Variants in LDAH observed in about 807,000 individuals in gnomAD.
The protein encoded by LDAH is lipid droplet associated hydrolase, also known as lipid droplet-associated hydrolase.
Under a neutral mutation model 29.6 loss-of-function variants are expected in LDAH, and 26 were observed. That is an observed-to-expected ratio of 0.88 (90% confidence interval 0.64 to 1.22). LDAH has a LOEUF of 1.22. Ranked by LOEUF, LDAH falls within the 50% of genes most tolerant of loss-of-function variation. The probability of loss-of-function intolerance (pLI) is 0.00; values close to 1 mark genes in which losing one functional copy is unlikely to be tolerated. For missense variants in LDAH, 344 were observed against 387.3 expected (o/e 0.89, Z 0.94); for synonymous variants, 117 against 133.0 (o/e 0.88, Z 0.83).
intron 2 of LDAH, among the ~76,000 whole-genome samples, chr2:20,795,384 T>C (rs1671235761): frequency 1.3e-5 from 2 of 152,206 alleles, no homozygotes; most frequent in South Asian, 4.1e-4. Context: ...ATTGGACTCA[T>C]TCATGGAGCC....
chr2:20,768,276 C>A (rs1669175362), intron 4 of LDAH, among the ~76,000 whole-genome samples: 1 of 152,170 alleles, frequency 6.6e-6, no homozygotes, highest in Non-Finnish European at 1.5e-5. Flanking sequence ...TTCAGGGAGC[C>A]CAGACCTGGG....
chr2:20,731,092 G>C lies in LDAH; in HGVS notation c.703+8879C>G, dbSNP rs141781104. The stretch of plus-strand genomic sequence containing the variant: ...GATAGCTACAAAAAAATCTTGCTCG[G>C]ATTTTGATAGCAACTATGTTTAATA... On this transcript the variant is annotated intron_variant, in intron 5 of 6. Transcript: ENST00000237822. 1.8e-3 allele frequency among the ~76,000 whole-genome samples: 276 copies of C among 152,268 alleles called. 3 individuals are homozygous for C. Among genetic ancestry groups the C allele is most frequent in the East Asian group, 6.7e-3 (35 of 5,190 alleles).
intron 1 of LDAH, among the ~76,000 whole-genome samples, chr2:20,820,301 T>C (rs1022562527): frequency 6.6e-5 from 10 of 152,318 alleles, no homozygotes; most frequent in African/African-American, 1.9e-4. Flanking sequence ...GAGCCTGCAT[T>C]GCCAAGTCAG....
intron 3 of LDAH, among the ~76,000 whole-genome samples, chr2:20,778,326 G>T (rs1168074293): frequency 3.3e-5 from 5 of 152,138 alleles, no homozygotes; most frequent in Admixed American, 1.3e-4. Flanking sequence ...ATTTCAAAAG[G>T]TACACACAAC....
At position 20,686,720 on chromosome 2, in the gene LDAH, A is replaced by G; in HGVS notation, c.*183T>C. 1 of 505,250 alleles carries G rather than the reference A, an allele frequency of 2.0e-6. No individual in the cohort carries two copies. The highest frequency in any genetic ancestry group is 3.5e-6 in the Non-Finnish European group (1 of 284,578). The allele number at this position is 505,250 out of a possible 1,614,324, so 31.3% of individuals were successfully genotyped here. A position where few individuals can be genotyped will look rare whatever the true frequency, so the allele number is the denominator to read the frequency against. ...GAAAATGTATGGTTAAACCTATGGA[A>G]TGATTCATCAACTGTGTTTACTTCA... On this transcript the variant is annotated 3_prime_UTR_variant, in exon 7 of 7. Transcript: ENST00000237822.
At chr2:20,703,527 A>G (rs186738179) in intron 5 of LDAH, among the ~76,000 whole-genome samples, 16 of 152,292 alleles carry the variant, frequency 1.1e-4, no homozygotes, top group Admixed American at 8.5e-4. Context: ...ATATACTTAC[A>G]CCTTTACTTC....
chr2:20,808,689 A>AGTT (rs1327601429), intron 1 of LDAH, among the ~76,000 whole-genome samples: 1 of 152,040 alleles, frequency 6.6e-6, no homozygotes, highest in East Asian at 1.9e-4. Context: ...AGCCAAGACA[A>AGTT]GTTTGAAGAA....
chr2:20,757,538 T>C (rs1668414598), intron 4 of LDAH, among the ~76,000 whole-genome samples: 2 of 152,182 alleles, frequency 1.3e-5, no homozygotes, highest in Admixed American at 6.5e-5. Context: ...TTAAAAAAAA[T>C]ACTTGCCAAG....
chr2:20,752,954 A>G (rs1329357569), intron 4 of LDAH, among the ~76,000 whole-genome samples: 1 of 144,962 alleles, frequency 6.9e-6, no homozygotes, highest in Admixed American at 7.2e-5. Flanking sequence ...TCTAAGCTGT[A>G]TTCTTTGGAG....
chr2:20,803,303 C>T (rs1671850129), intron 1 of LDAH, among the ~76,000 whole-genome samples: 1 of 152,170 alleles, frequency 6.6e-6, no homozygotes, highest in African/African-American at 2.4e-5. Flanking sequence ...CTTTCTCCAG[C>T]TCTCTACTCA....
At chr2:20,785,971 C>T (rs1034950090) in intron 3 of LDAH, among the ~76,000 whole-genome samples, 9 of 152,106 alleles carry the variant, frequency 5.9e-5, no homozygotes, top group African/African-American at 9.7e-5. Context: ...TTTAAATTCC[C>T]GATCTGATAT....
chr2:20,745,410 T>A (rs1667497779), intron 4 of LDAH, among the ~76,000 whole-genome samples: 1 of 152,218 alleles, frequency 6.6e-6, no homozygotes, highest in South Asian at 2.1e-4. Flanking sequence ...TAATTAGTGA[T>A]GTTGAGCACC....
intron 3 of LDAH, among the ~76,000 whole-genome samples, chr2:20,783,035 T>A (rs1670308796): frequency 6.6e-6 from 1 of 152,214 alleles, no homozygotes; most frequent in African/African-American, 2.4e-5. Context: ...TTTATTTTGC[T>A]CAAAGTATTT....
chr2:20,784,159 A>AC (rs1670392786), intron 3 of LDAH, among the ~76,000 whole-genome samples: 1 of 152,166 alleles, frequency 6.6e-6, no homozygotes, highest in Non-Finnish European at 1.5e-5. Context: ...TAATCCCAGC[A>AC]CTTTAGGAGG....
At chr2:20,735,627 G>T (rs1666720796) in intron 5 of LDAH, among the ~76,000 whole-genome samples, 1 of 151,816 alleles carries the variant, frequency 6.6e-6, no homozygotes, top group South Asian at 2.1e-4. Flanking sequence ...GTCAAGTTGA[G>T]ATTTTGTTAG....
chr2:20,734,593 G>A lies in LDAH; in HGVS notation c.703+5378C>T, dbSNP rs138326229. Among the ~76,000 whole-genome samples, 272 of 152,206 alleles carry A rather than the reference G, an allele frequency of 1.8e-3. 1 individual carries two copies. Among genetic ancestry groups the A allele is most frequent in the African/African-American group, 5.0e-3 (206 of 41,542 alleles). ...TGTACCCTCCCCCATTTATAAAATCGTTCCCTAAATATTTCCTCTGTGTAT... is the reference window on the plus strand; with the variant it reads ...TGTACCCTCCCCCATTTATAAAATCATTCCCTAAATATTTCCTCTGTGTAT... On this transcript the variant is annotated intron_variant, in intron 5 of 6. Transcript: ENST00000237822.
chr2:20,802,586 CCT>C (rs1553361762), intron 1 of LDAH, among the ~76,000 whole-genome samples: 3 of 152,102 alleles, frequency 2.0e-5, no homozygotes, highest in Non-Finnish European at 2.9e-5. Context: ...TTTCTCTTCC[CCT>C]CTCTTCCACT....
intron 2 of LDAH, among the ~76,000 whole-genome samples, chr2:20,793,885 A>G (rs1671132365): frequency 6.6e-6 from 1 of 152,182 alleles, no homozygotes; most frequent in South Asian, 2.1e-4. Flanking sequence ...TCTTCCCACA[A>G]AGAAAATCCA....
chr2:20,737,385 T>A (rs1262662645), intron 5 of LDAH, among the ~76,000 whole-genome samples: 5 of 152,106 alleles, frequency 3.3e-5, no homozygotes, highest in African/African-American at 1.2e-4. Flanking sequence ...GAATGCTTTA[T>A]AAAATACATT....
Sources: gnomAD v4.1 joint callset for allele counts (sites outside exome capture counted in the v4.1 genomes callset) on GRCh38, gnomAD v4.1.1 for gene constraint, MANE v1.5 for transcripts, NCBI Gene and HGNC (gene_info 2026-07-23, HGNC 2026-07-21) for gene names.